STIM1: variants seen among roughly 807,000 people sequenced by gnomAD.
The protein encoded by STIM1 is stromal interaction molecule 1.
In STIM1, 25 loss-of-function variants were observed where a neutral mutation model predicts 74.7. The ratio of observed to expected loss-of-function variants is 0.33; its 90% CI spans 0.24 to 0.47. The LOEUF is 0.47. Ranked by LOEUF, STIM1 falls within the 20% of genes least tolerant of loss-of-function variation. STIM1 has a pLI of 1.00. For missense variants in STIM1, 728 were observed against 920.8 expected (o/e 0.79, Z 2.71); for synonymous variants, 328 against 348.8 (o/e 0.94, Z 0.66).
intron 1 of STIM1, among the ~76,000 whole-genome samples, chr11:3,870,690 G>T (rs533286209): frequency 6.6e-6 from 1 of 151,770 alleles, no homozygotes. Context: ...AGAGATGGGG[G>T]TCTCACCATG....
intron 2 of STIM1, among the ~76,000 whole-genome samples, chr11:4,010,223 T>A (rs995873287): frequency 6.6e-6 from 1 of 151,270 alleles, no homozygotes; most frequent in Non-Finnish European, 1.5e-5. Flanking sequence ...CAGGCTGTAG[T>A]GCAGTGGCAT....
At chr11:3,978,204 A>G (rs776197406) in intron 2 of STIM1, among the ~76,000 whole-genome samples, 5 of 148,784 alleles carry the variant, frequency 3.4e-5, no homozygotes, top group Non-Finnish European at 4.4e-5. Context: ...GCTGGAGTGC[A>G]ATGGCACTAT....
chr11:4,058,899 A>G, intron 4 of STIM1: 2 of 1,089,846 alleles, frequency 1.8e-6, no homozygotes, highest in African/African-American at 1.6e-5. Context: ...ATATGACATG[A>G]CAGTTTGACC....
intron 2 of STIM1, among the ~76,000 whole-genome samples, chr11:4,013,128 G>A (rs1416862058): frequency 6.6e-6 from 1 of 152,244 alleles, no homozygotes; most frequent in African/African-American, 2.4e-5. Flanking sequence ...CGGTGTGCCA[G>A]TATTTTATTG....
Position 4,026,310 on chromosome 11 carries a change from C to G in STIM1, c.385+2323C>G, listed in dbSNP as rs542299955. On this transcript the variant is annotated intron_variant, in intron 3 of 12. Coordinates refer to ENST00000526596, the MANE Select transcript of STIM1 (RefSeq NM_001382567.1). ...AGCAGAAAAGTTTTCTAATCTCTAT[C>G]TTAGCCAACTCTGGGCTTTAGGAAT... Among the ~76,000 whole-genome samples, 32 of 152,298 alleles carry G rather than the reference C, an allele frequency of 2.1e-4. 1 individual carries two copies. In the South Asian group the frequency reaches 6.6e-3, roughly 32 times the overall value.
At chr11:4,061,172 G>A (rs187001888) in intron 5 of STIM1, among the ~76,000 whole-genome samples, 219 of 152,280 alleles carry the variant, frequency 1.4e-3, no homozygotes, top group Middle Eastern at 3.4e-3. Context: ...GAAACTGCAG[G>A]TTAAAGCAGT....
intron 5 of STIM1, among the ~76,000 whole-genome samples, chr11:4,069,747 T>G (rs1421229198): frequency 6.6e-6 from 1 of 152,260 alleles, no homozygotes; most frequent in Admixed American, 6.5e-5. Context: ...ACTAGTTCTC[T>G]CCTCTTCACT....
rs200001150 is a variant in STIM1 at position 3,999,866 on chromosome 11, G to A, written c.271-24007G>A. Among the ~76,000 whole-genome samples the A allele has an allele frequency of 4.6e-5, 7 of 152,200 alleles. No homozygotes were observed. The East Asian group carries it at 1.4e-3, about 30-fold the overall frequency. On this transcript the variant is annotated intron_variant, in intron 2 of 12. Coordinates refer to ENST00000526596, the MANE Select transcript of STIM1 (RefSeq NM_001382567.1). ...GGTGACAGACGGCACCTGGAAAATC[G>A]GGCCACTCCCACCCGAATACTGCAC...
chr11:3,889,542 A>G (rs1205895664), intron 1 of STIM1, among the ~76,000 whole-genome samples: 5 of 151,664 alleles, frequency 3.3e-5, no homozygotes, highest in Admixed American at 3.3e-4. Flanking sequence ...TAATTTTTTT[A>G]TTTTTATTTT....
At chr11:3,953,722 T>TATTCCCA (rs1237720023) in intron 1 of STIM1, among the ~76,000 whole-genome samples, 7 of 152,140 alleles carry the variant, frequency 4.6e-5, no homozygotes, top group African/African-American at 1.7e-4. Context: ...CAACATCCAT[T>TATTCCCA]ATTCCCATTC....
chr11:3,978,978 G>A (rs1005053505), intron 2 of STIM1, among the ~76,000 whole-genome samples: 2 of 151,996 alleles, frequency 1.3e-5, no homozygotes, highest in Non-Finnish European at 2.9e-5. Flanking sequence ...CTATGCTATA[G>A]CCACCCCAAA....
intron 2 of STIM1, among the ~76,000 whole-genome samples, chr11:3,994,640 A>C (rs1270725841): frequency 1.3e-5 from 2 of 151,764 alleles, no homozygotes; most frequent in Non-Finnish European, 2.9e-5. Flanking sequence ...TTGTATTTTT[A>C]GTAGAGATGT....
intron 2 of STIM1, among the ~76,000 whole-genome samples, chr11:3,973,681 G>A (rs2093417718): frequency 6.6e-6 from 1 of 152,072 alleles, no homozygotes; most frequent in Admixed American, 6.5e-5. Flanking sequence ...ACAGGCATGA[G>A]CCACTGCACC....
At chr11:3,899,528 C>T (rs1414686831) in intron 1 of STIM1, among the ~76,000 whole-genome samples, 1 of 151,134 alleles carries the variant, frequency 6.6e-6, no homozygotes, top group Non-Finnish European at 1.5e-5. Context: ...TGCCTAATTG[C>T]CCTGGCCAGA....
intron 3 of STIM1, among the ~76,000 whole-genome samples, chr11:4,055,320 T>C (rs1369347754): frequency 1.3e-5 from 2 of 152,234 alleles, no homozygotes; most frequent in Non-Finnish European, 2.9e-5. Flanking sequence ...AGCTAACCAT[T>C]GATCTGCTTT....
intron 1 of STIM1, among the ~76,000 whole-genome samples, chr11:3,905,009 A>G (rs1241366470): frequency 6.6e-6 from 1 of 152,056 alleles, no homozygotes; most frequent in Non-Finnish European, 1.5e-5. Context: ...GCAGAGAGGA[A>G]CTCTGATATG....
At chr11:3,892,516 G>A in intron 1 of STIM1, 1 of 1,585,758 alleles carries the variant, frequency 6.3e-7, no homozygotes, top group Non-Finnish European at 8.7e-7. Context: ...CCACATGCTT[G>A]CCATCCAACC....
At chr11:3,858,929 A>G (rs145819726) in intron 1 of STIM1, among the ~76,000 whole-genome samples, 4 of 152,282 alleles carry the variant, frequency 2.6e-5, no homozygotes, top group East Asian at 3.9e-4. Flanking sequence ...CTGATGCTTA[A>G]GTCTTGGATT....
chr11:4,007,466 A>T (rs1169980868), intron 2 of STIM1, among the ~76,000 whole-genome samples: 1 of 152,212 alleles, frequency 6.6e-6, no homozygotes, highest in African/African-American at 2.4e-5. Flanking sequence ...TGAACATCAA[A>T]GTTACAGCTC....
Sources: allele counts gnomAD v4.1 joint callset (sites outside exome capture counted in the v4.1 genomes callset), GRCh38; gene constraint gnomAD v4.1.1; transcripts MANE v1.5; gene names NCBI Gene and HGNC (gene_info 2026-07-23, HGNC 2026-07-21).